LYPLAL1: variants seen among roughly 807,000 people sequenced by gnomAD.
LYPLAL1 encodes lysophospholipase like 1.
A neutral mutation model predicts 19.7 loss-of-function variants in LYPLAL1; 23 were observed. That is an observed-to-expected ratio of 1.17 (90% CI 0.84 to 1.65). The LOEUF (loss-of-function observed/expected upper bound fraction) is 1.65. Ranked by LOEUF, LYPLAL1 falls within the 40% of genes most tolerant of loss-of-function variation. LYPLAL1 has a pLI of 0.00. For synonymous variants in LYPLAL1, 119 were observed against 96.3 expected (o/e 1.24, Z -1.38); for missense variants, 355 against 279.4 (o/e 1.27, Z -1.93).
chr1:219,174,047 G>A, intron 1 of LYPLAL1, 66 bp downstream of exon 1: 3 of 1,601,422 alleles, frequency 1.9e-6, no homozygotes, highest in Non-Finnish European at 8.5e-7. Context: ...GGTTACCCCA[G>A]TATTGCCCAA....
At chr1:219,181,350 C>CT (rs977109855) in intron 2 of LYPLAL1, among the ~76,000 whole-genome samples, 6 of 152,122 alleles carry the variant, frequency 3.9e-5, no homozygotes, top group Non-Finnish European at 8.8e-5. Flanking sequence ...CCATTTTCTA[C>CT]AGCTTAGTTT....
chr1:219,314,295 A>G, the LYPLAL1 span, among the ~76,000 whole-genome samples: 7 of 152,178 alleles, frequency 4.6e-5, no homozygotes, highest in East Asian at 1.9e-4. Flanking sequence ...ATACATGTGC[A>G]TGTCTTTATT....
chr1:219,301,552 A>C, the LYPLAL1 span, among the ~76,000 whole-genome samples: 1 of 152,252 alleles, frequency 6.6e-6, no homozygotes, highest in African/African-American at 2.4e-5. Context: ...AAAAATCCAA[A>C]GTAATTTTAT....
chr1:219,285,623 G>C, the LYPLAL1 span, among the ~76,000 whole-genome samples: 4 of 152,132 alleles, frequency 2.6e-5, no homozygotes, highest in African/African-American at 7.2e-5. Flanking sequence ...GACATGAAAG[G>C]CCACATATTG....
At chr1:219,198,837 C>G (rs569613128) in intron 3 of LYPLAL1, 1 of 152,236 alleles carries the variant, frequency 6.6e-6, no homozygotes, top group Admixed American at 6.5e-5. Context: ...TGAAAAAAAG[C>G]TACGTACATT....
At chr1:219,216,525 A>G (rs1659295824), downstream of LYPLAL1, among the ~76,000 whole-genome samples, 2 of 152,116 alleles carry the variant, frequency 1.3e-5, no homozygotes, top group African/African-American at 4.8e-5. Context: ...CATACTCTAT[A>G]TGATACTGTC....
the LYPLAL1 span, among the ~76,000 whole-genome samples, chr1:219,267,331 A>T: frequency 1.6e-3 from 251 of 152,304 alleles, 2 homozygotes; most frequent in African/African-American, 5.9e-3. Flanking sequence ...AAGAGCTAAT[A>T]ACATGGAACC....
chr1:219,182,903 G>T, intron 2 of LYPLAL1, among the ~76,000 whole-genome samples: 1 of 152,064 alleles, frequency 6.6e-6, no homozygotes, highest in Admixed American at 6.6e-5. Context: ...TTGTTACATG[G>T]AAGTGATGCT....
At chr1:219,237,044 A>G in the LYPLAL1 span, among the ~76,000 whole-genome samples, 1 of 152,184 alleles carries the variant, frequency 6.6e-6, no homozygotes, top group African/African-American at 2.4e-5. Context: ...AATGCTAAAT[A>G]AAAAATAATT....
At chr1:219,225,213 C>G in the LYPLAL1 span, 1 of 152,116 alleles carries the variant, frequency 6.6e-6, no homozygotes, top group Admixed American at 6.6e-5. Context: ...GGTTGCTCAC[C>G]AGGCATAATA....
the LYPLAL1 span, among the ~76,000 whole-genome samples, chr1:219,258,907 T>C: frequency 6.6e-6 from 1 of 151,798 alleles, no homozygotes; most frequent in African/African-American, 2.4e-5. Flanking sequence ...CTACAAGGAT[T>C]TCTGATCTGC....
the LYPLAL1 span, among the ~76,000 whole-genome samples, chr1:219,339,502 A>G: frequency 2.0e-5 from 3 of 152,238 alleles, no homozygotes; most frequent in African/African-American, 4.8e-5. Flanking sequence ...AAACTTTTGC[A>G]TACACAATTT....
At chr1:219,242,503 G>A in the LYPLAL1 span, among the ~76,000 whole-genome samples, 3 of 152,104 alleles carry the variant, frequency 2.0e-5, no homozygotes, top group African/African-American at 7.2e-5. Flanking sequence ...CCTTTACAAT[G>A]CCTGCCTTGC....
chr1:219,287,706 A>G, the LYPLAL1 span, among the ~76,000 whole-genome samples: 1 of 152,314 alleles, frequency 6.6e-6, no homozygotes, highest in South Asian at 2.1e-4. Context: ...CATATTCCTT[A>G]CCATGTGATA....
At chr1:219,201,650 C>G (rs566392028) in intron 3 of LYPLAL1, among the ~76,000 whole-genome samples, 6 of 152,002 alleles carry the variant, frequency 3.9e-5, no homozygotes, top group African/African-American at 1.4e-4. Context: ...GTCTATAAAG[C>G]CTCTTTTTTC....
At chr1:219,289,078 G>GGTT in the LYPLAL1 span, among the ~76,000 whole-genome samples, 1 of 114,920 alleles carries the variant, frequency 8.7e-6, no homozygotes, top group Non-Finnish European at 1.8e-5. Context: ...CTCTTGTTTT[G>GGTT]TTTTTTTTGT....
chr1:219,429,963 T>C, the LYPLAL1 span, among the ~76,000 whole-genome samples: 1 of 152,252 alleles, frequency 6.6e-6, no homozygotes, highest in South Asian at 2.1e-4. Flanking sequence ...ATGAGATAAC[T>C]GAGATCTAGA....
At chr1:219,192,738 C>T (rs374821175) in intron 2 of LYPLAL1, among the ~76,000 whole-genome samples, 14 of 151,382 alleles carry the variant, frequency 9.2e-5, no homozygotes, top group African/African-American at 2.7e-4. Context: ...TGCCTGTGCA[C>T]GTATGTGTGT....
chr1:219,270,059 G>C, the LYPLAL1 span, among the ~76,000 whole-genome samples: 1 of 152,214 alleles, frequency 6.6e-6, no homozygotes, highest in African/African-American at 2.4e-5. Context: ...GATGGAAAAT[G>C]GGCATAAAGG....
Sources: gnomAD v4.1 joint callset for allele counts (sites outside exome capture counted in the v4.1 genomes callset) on GRCh38, gnomAD v4.1.1 for gene constraint, MANE v1.5 for transcripts, NCBI Gene and HGNC (gene_info 2026-07-23, HGNC 2026-07-21) for gene names.